Variants in TSHR observed in about 807,000 individuals in gnomAD.
TSHR encodes thyrotropin receptor.
Under a neutral mutation model 64.1 loss-of-function variants are expected in TSHR, and 51 were observed. That is an observed-to-expected ratio of 0.80 (90% CI 0.64 to 1.01). TSHR has a LOEUF of 1.01. Among genes scored for constraint, TSHR ranks in the 50% least tolerant of loss-of-function variants. The pLI is 0.00. For missense variants in TSHR, 877 were observed against 942.8 expected (o/e 0.93, Z 0.91); for synonymous variants, 361 against 361.9 (o/e 1.00, Z 0.03).
intron 3 of TSHR, among the ~76,000 whole-genome samples, chr14:81,084,818 T>C (rs921710047): frequency 6.6e-6 from 1 of 152,252 alleles, no homozygotes; most frequent in Non-Finnish European, 1.5e-5. Flanking sequence ...CTCAGAGGCA[T>C]GCTTGAAGGC....
At chr14:80,961,213 A>G (rs1265302058) in intron 1 of TSHR, among the ~76,000 whole-genome samples, 3 of 152,208 alleles carry the variant, frequency 2.0e-5, no homozygotes, top group African/African-American at 7.2e-5. Flanking sequence ...AGGACTAACT[A>G]TATCCCAGAC....
In TSHR at chr14:80,973,403, C is replaced by CAAAAAAAAAAAAAAAAAAAAAAA. The variant is rs58316010; in HGVS notation, c.170+17557_170+17579dup. Among the ~76,000 whole-genome samples, 269 of 51,442 alleles carry CAAAAAAAAAAAAAAAAAAAAAAA rather than the reference C, an allele frequency of 5.2e-3. 50 individuals carry two copies. The highest frequency in any genetic ancestry group is 0.03 in the Middle Eastern group (2 of 66). The allele number at this position is 51,442 out of a possible 152,430, so 33.7% of individuals were successfully genotyped here. On this transcript the variant is annotated intron_variant, in intron 1 of 9. Coordinates refer to ENST00000298171, the MANE Select transcript of TSHR (RefSeq NM_000369.5). ...CCCGGGTGACAGCGAGACGCTGTCT[C>CAAAAAAAAAAAAAAAAAAAAAAA]AAAAAAAAAAAAAAAAAAAAAAAAA... is the stretch of plus-strand genomic sequence containing the variant.
intron 3 of TSHR, among the ~76,000 whole-genome samples, chr14:81,075,090 C>A (rs1320234509): frequency 1.3e-5 from 2 of 152,214 alleles, no homozygotes; most frequent in Non-Finnish European, 2.9e-5. Flanking sequence ...AGACCACAGA[C>A]CATAATTTAC....
chr14:81,101,135 G>A (rs766223912), intron 7 of TSHR, among the ~76,000 whole-genome samples: 1 of 152,180 alleles, frequency 6.6e-6, no homozygotes, highest in Non-Finnish European at 1.5e-5. Flanking sequence ...TAGGAGCTGT[G>A]TGCCAGGAAA....
intron 1 of TSHR, among the ~76,000 whole-genome samples, chr14:80,998,786 G>T (rs1047818166): frequency 6.6e-6 from 1 of 152,020 alleles, no homozygotes; most frequent in Non-Finnish European, 1.5e-5. Flanking sequence ...AATGAGTTCT[G>T]CTTTCTTTTC....
At chr14:81,038,852 G>T (rs1884784954) in intron 1 of TSHR, among the ~76,000 whole-genome samples, 1 of 151,282 alleles carries the variant, frequency 6.6e-6, no homozygotes, top group African/African-American at 2.4e-5. Context: ...ATTGATAATA[G>T]AAAATATGAA....
Position 80,955,719 on chromosome 14 carries a change from C to A in TSHR, c.39C>A (p.Leu13=). 1.2e-6 allele frequency: 2 copies of A among 1,614,128 alleles called. No homozygotes were observed. Among genetic ancestry groups the A allele is most frequent in the Non-Finnish European group, 1.7e-6 (2 of 1,180,020 alleles). The part of the protein sequence containing the change: ...PADLLQLVLL[L]DLPRDLGGMG... The stretch of plus-strand genomic sequence containing the variant: ...ACTTGCTGCAGCTGGTGCTGCTGCT[C>A]GACCTGCCCAGGGACCTGGGCGGAA... Residue 13 remains leucine (L), a synonymous_variant, in exon 1 of 10, where the codon CTC becomes CTA. Transcript: ENST00000298171.
At chr14:81,076,444 A>G (rs1326082588) in intron 3 of TSHR, among the ~76,000 whole-genome samples, 2 of 152,078 alleles carry the variant, frequency 1.3e-5, no homozygotes, top group Admixed American at 1.3e-4. Flanking sequence ...GTTGGTATAT[A>G]CCTATTGGTC....
chr14:81,108,710 C>A, intron 8 of TSHR: 1 of 1,613,562 alleles, frequency 6.2e-7, no homozygotes, highest in Non-Finnish European at 8.5e-7. Flanking sequence ...CCTTGGTGTA[C>A]ATGCTCACAG....
chr14:81,079,819 C>T (rs1887764355), intron 3 of TSHR, among the ~76,000 whole-genome samples: 1 of 148,690 alleles, frequency 6.7e-6, no homozygotes, highest in Non-Finnish European at 1.5e-5. Flanking sequence ...TCGTGCTACA[C>T]ACTCCAGCCT....
intron 8 of TSHR, among the ~76,000 whole-genome samples, chr14:81,113,164 G>C (rs1032711742): frequency 3.9e-5 from 6 of 152,252 alleles, no homozygotes; most frequent in East Asian, 1.9e-4. Context: ...ATAGGCATGA[G>C]ATGAAAGTAG....
intron 6 of TSHR, among the ~76,000 whole-genome samples, chr14:81,095,950 G>A (rs1454343408): frequency 1.3e-5 from 2 of 151,740 alleles, no homozygotes; most frequent in African/African-American, 2.4e-5. Flanking sequence ...TGAGGTGGGA[G>A]GATCGCTTAA....
chr14:80,974,181 G>A (rs1887748154), intron 1 of TSHR, among the ~76,000 whole-genome samples: 1 of 152,198 alleles, frequency 6.6e-6, no homozygotes, highest in South Asian at 2.1e-4. Context: ...CCCTCGGTGT[G>A]AGCATTATAT....
intron 7 of TSHR, chr14:81,104,593 A>G (rs1163908231): frequency 2.0e-6 from 2 of 985,320 alleles, no homozygotes; most frequent in South Asian, 4.7e-5. Context: ...GCAAGTCTTT[A>G]CTGAATGGCC....
At chr14:81,043,110 TAA>T (rs1233172046) in intron 1 of TSHR, among the ~76,000 whole-genome samples, 1 of 152,090 alleles carries the variant, frequency 6.6e-6, no homozygotes, top group Non-Finnish European at 1.5e-5. Flanking sequence ...GAGAAAGAAA[TAA>T]AGAGTATTCA....
intron 5 of TSHR, among the ~76,000 whole-genome samples, chr14:81,092,230 G>A (rs1888795218): frequency 6.6e-6 from 1 of 152,054 alleles, no homozygotes; most frequent in South Asian, 2.1e-4. Flanking sequence ...TGCAGATTCG[G>A]GAGAAGCCTC....
chr14:81,091,247 C>G, intron 5 of TSHR, 104 bp downstream of exon 5: 1 of 1,039,720 alleles, frequency 9.6e-7, no homozygotes, highest in Non-Finnish European at 1.5e-6. Context: ...GCAATTGTTT[C>G]AAGGAGTAAG....
At position 81,144,251 on chromosome 14, in the gene TSHR, T is replaced by A; in HGVS notation, c.2193T>A (p.Gly731=). ...AGGTTACCCACGAGATGAGGCAGGG[T>A]CTCCACAACATGGAAGATGTCTATG... ...VQKVTHEMRQ[G]LHNMEDVYEL... is the part of the protein sequence containing the mutation. Residue 731 remains glycine, a synonymous_variant, in exon 10 of 10, where the codon GGT becomes GGA. Coordinates refer to ENST00000298171, the MANE Select transcript of TSHR (RefSeq NM_000369.5). 6.2e-7 allele frequency: 1 copy of A among 1,613,616 alleles called. No homozygotes were observed. The highest frequency in any genetic ancestry group is 8.5e-7 in the Non-Finnish European group (1 of 1,179,802).
At position 81,098,698 on chromosome 14, in the gene TSHR, G is replaced by A. The variant is rs570139525; in HGVS notation, c.614+1991G>A. ...AAGGCAACAAAGACTCACATTAGCA[G>A]GGGCAGGGATAGGAGGTAGTAAGGA... On this transcript the variant is annotated intron_variant, in intron 7 of 9. Transcript: ENST00000298171. 3.3e-4 allele frequency among the ~76,000 whole-genome samples: 51 copies of A among 152,260 alleles called. No homozygotes were observed. In the Middle Eastern group the frequency reaches 0.017, roughly 51 times the overall value.
Sources: allele counts gnomAD v4.1 joint callset (sites outside exome capture counted in the v4.1 genomes callset), GRCh38; gene constraint gnomAD v4.1.1; transcripts MANE v1.5; gene names NCBI Gene and HGNC (gene_info 2026-07-23, HGNC 2026-07-21).